The following ESRRB variants were observed in gnomAD, a reference collection of about 807,000 sequenced individuals.
ESRRB encodes estrogen related receptor beta.
In ESRRB, 16 loss-of-function variants were observed where a neutral mutation model predicts 46.0. The observed-to-expected ratio is 0.35, with a 90% CI of 0.24 to 0.53. The LOEUF (loss-of-function observed/expected upper bound fraction) is 0.53. Among genes scored for constraint, ESRRB ranks in the 20% least tolerant of loss-of-function variants. ESRRB has a pLI of 0.93. For synonymous variants in ESRRB, 246 were observed against 259.6 expected (o/e 0.95, Z 0.50); for missense variants, 488 against 607.4 (o/e 0.80, Z 2.07).
At chr14:76,440,223 T>C (rs894173150) in intron 2 of ESRRB, among the ~76,000 whole-genome samples, 2 of 152,240 alleles carry the variant, frequency 1.3e-5, no homozygotes, top group African/African-American at 4.8e-5. Context: ...ATCCCAGCAC[T>C]TTGGGAGGCC....
chr14:76,488,170 T>C (rs1328522787), intron 5 of ESRRB, among the ~76,000 whole-genome samples: 1 of 152,176 alleles, frequency 6.6e-6, no homozygotes, highest in Non-Finnish European at 1.5e-5. Context: ...CTAGAAAAGA[T>C]TCAGATGTTA....
At chr14:76,375,398 C>T (rs1408157023), upstream of ESRRB, among the ~76,000 whole-genome samples, 1 of 152,112 alleles carries the variant, frequency 6.6e-6, no homozygotes, top group Non-Finnish European at 1.5e-5. Flanking sequence ...GTGGATGTGG[C>T]GGGTAAGTTG....
chr14:76,471,893 G>A (rs1260130032), intron 3 of ESRRB, among the ~76,000 whole-genome samples: 2 of 152,224 alleles, frequency 1.3e-5, no homozygotes, highest in Non-Finnish European at 1.5e-5. Flanking sequence ...TTCTTAGGCA[G>A]TGTCTGGGAT....
At chr14:76,405,633 G>A (rs1320746779) in intron 1 of ESRRB, among the ~76,000 whole-genome samples, 1 of 152,022 alleles carries the variant, frequency 6.6e-6, no homozygotes, top group Non-Finnish European at 1.5e-5. Flanking sequence ...ACAAAGCTCG[G>A]GATTTGCACA....
intron 1 of ESRRB, among the ~76,000 whole-genome samples, chr14:76,424,033 G>T (rs1887090641): frequency 6.6e-6 from 1 of 152,198 alleles, no homozygotes; most frequent in Admixed American, 6.5e-5. Flanking sequence ...CCTTCATGAT[G>T]TAACTCATGA....
chr14:76,386,444 C>G (rs913357110), intron 1 of ESRRB, among the ~76,000 whole-genome samples: 1 of 145,366 alleles, frequency 6.9e-6, no homozygotes, highest in East Asian at 2.0e-4. Flanking sequence ...ATTCTAGGTT[C>G]GGTTTTTTAA....
chr14:76,439,471 G>A lies in ESRRB; in HGVS notation c.181G>A (p.Asp61Asn). The A allele has an allele frequency of 1.2e-6, 2 of 1,612,268 alleles. No individual in the cohort carries two copies. Among genetic ancestry groups the A allele is most frequent in the South Asian group, 1.1e-5 (1 of 91,034 alleles). ...LSHHSPSGSS[D>N]ASGGFGLALG... ...CCACCACAGCCCCAGTGGCTCGTCC[G>A]ACGCCAGCGGCGGCTTTGGCCTGGC... The change falls in exon 2 of 7, where the codon GAC (aspartate) becomes AAC (asparagine). Residue 61 changes from aspartate (D) to asparagine (N), a missense_variant. Asp to Asn is a conservative substitution (Grantham distance 23). Coordinates refer to ENST00000644823, the MANE Select transcript of ESRRB (RefSeq NM_001379180.1).
chr14:76,426,120 C>T (rs1887190323), intron 1 of ESRRB, among the ~76,000 whole-genome samples: 1 of 152,164 alleles, frequency 6.6e-6, no homozygotes, highest in African/African-American at 2.4e-5. Context: ...TTGGTGAGGG[C>T]GTTTGGCAGG....
chr14:76,425,900 C>G (rs1367675033), intron 1 of ESRRB, among the ~76,000 whole-genome samples: 1 of 152,072 alleles, frequency 6.6e-6, no homozygotes, highest in East Asian at 1.9e-4. Context: ...ATTTTGGGAG[C>G]CTCAGCCTCC....
intron 1 of ESRRB, among the ~76,000 whole-genome samples, chr14:76,391,559 C>A (rs1885470225): frequency 6.6e-6 from 1 of 152,238 alleles, no homozygotes; most frequent in Admixed American, 6.5e-5. Context: ...AGCGGCCTTG[C>A]CGAGGAGAAG....
In ESRRB at chr14:76,417,583, G is replaced by A. The variant is rs116797154; in HGVS notation, c.51-21758G>A. 1.8e-3 allele frequency among the ~76,000 whole-genome samples: 269 copies of A among 152,276 alleles called. 2 individuals carry two copies. Among genetic ancestry groups the A allele is most frequent in the African/African-American group, 6.2e-3 (258 of 41,546 alleles). On this transcript the variant is annotated intron_variant, in intron 1 of 6. Transcript: ENST00000644823. ...GCGTGCATATGTGTGTGTTTGCAGC[G>A]AACACGCATTTCAAGCATATTTCAA...
intron 3 of ESRRB, among the ~76,000 whole-genome samples, chr14:76,479,243 A>ATGCG (rs60987856): frequency 0.64 from 96,385 of 150,936 alleles, 31,041 homozygotes; most frequent in East Asian, 0.86. Context: ...GTACGTGTGC[A>ATGCG]TGCGTGCGTG....
chr14:76,333,029 A>T (rs1472866063), intron 1 of ESRRB, among the ~76,000 whole-genome samples: 2 of 6,668 alleles, frequency 3.0e-4, no homozygotes, highest in African/African-American at 4.8e-4. Context: ...ATTATATATT[A>T]TATATATTAT....
chr14:76,469,407 C>T (rs1452678776), intron 3 of ESRRB, among the ~76,000 whole-genome samples: 2 of 152,178 alleles, frequency 1.3e-5, no homozygotes, highest in Non-Finnish European at 2.9e-5. Context: ...TTACCAAGGA[C>T]TTCATTCCTA....
intron 1 of ESRRB, among the ~76,000 whole-genome samples, chr14:76,316,382 T>C (rs766953016): frequency 5.3e-5 from 8 of 152,272 alleles, no homozygotes; most frequent in East Asian, 1.9e-4. Context: ...TTACAAAGTG[T>C]CCCATATCCT....
intron 1 of ESRRB, among the ~76,000 whole-genome samples, chr14:76,355,635 C>T (rs1048099388): frequency 6.6e-5 from 10 of 152,268 alleles, no homozygotes; most frequent in Middle Eastern, 3.4e-3. Context: ...CAGTACAATG[C>T]TGGGCAGTAA....
chr14:76,341,246 T>C (rs1884188336), intron 1 of ESRRB, among the ~76,000 whole-genome samples: 1 of 152,248 alleles, frequency 6.6e-6, no homozygotes, highest in South Asian at 2.1e-4. Flanking sequence ...CCCAGCCACG[T>C]TGCCCAGACA....
intron 1 of ESRRB, among the ~76,000 whole-genome samples, chr14:76,327,828 C>T (rs1245864413): frequency 2.6e-5 from 4 of 151,960 alleles, no homozygotes; most frequent in South Asian, 4.2e-4. Flanking sequence ...CTCAGCCTCC[C>T]GAGTAACTGG....
chr14:76,475,375 A>G (rs1341512342), intron 3 of ESRRB, among the ~76,000 whole-genome samples: 1 of 151,658 alleles, frequency 6.6e-6, no homozygotes, highest in Non-Finnish European at 1.5e-5. Context: ...CCTCGAAAAA[A>G]AAAAAAAAGA....
Sources: gnomAD v4.1 joint callset for allele counts (sites outside exome capture counted in the v4.1 genomes callset) on GRCh38, gnomAD v4.1.1 for gene constraint, MANE v1.5 for transcripts, NCBI Gene and HGNC (gene_info 2026-07-23, HGNC 2026-07-21) for gene names.